Variants in SCTR observed in about 807,000 individuals in gnomAD.
The protein encoded by SCTR is secretin receptor.
A neutral mutation model predicts 60.8 loss-of-function variants in SCTR; 56 were observed. That is an observed-to-expected ratio of 0.92 (90% CI 0.74 to 1.15). The LOEUF (loss-of-function observed/expected upper bound fraction) is 1.15. SCTR is among the 50% of genes most tolerant of loss of function. SCTR has a pLI of 0.00. For missense variants in SCTR, 562 were observed against 550.4 expected, an observed-to-expected ratio of 1.02 and a Z score of -0.21; for synonymous variants, 202 against 217.0, an observed-to-expected ratio of 0.93 and a Z score of 0.61.
At chr2:119,521,544 G>A (rs996973147) in intron 1 of SCTR, among the ~76,000 whole-genome samples, 1 of 152,090 alleles carries the variant, frequency 6.6e-6, no homozygotes, top group Non-Finnish European at 1.5e-5. Context: ...CGCAGAGGGG[G>A]CTGTGATCAG....
chr2:119,493,105 C>T (rs1422810859), intron 2 of SCTR, among the ~76,000 whole-genome samples: 1 of 152,166 alleles, frequency 6.6e-6, no homozygotes, highest in Non-Finnish European at 1.5e-5. Flanking sequence ...AATCTGTGCA[C>T]CTTGGCCTCC....
intron 1 of SCTR, among the ~76,000 whole-genome samples, chr2:119,498,199 C>T (rs1678419446): frequency 1.3e-5 from 2 of 152,142 alleles, no homozygotes; most frequent in African/African-American, 4.8e-5. Flanking sequence ...TCAGAAGTTA[C>T]AGGAAGATGG....
At chr2:119,456,640 C>T (rs542717237) in intron 7 of SCTR, among the ~76,000 whole-genome samples, 10 of 152,236 alleles carry the variant, frequency 6.6e-5, no homozygotes, top group South Asian at 4.2e-4. Flanking sequence ...TAGAAAAAAA[C>T]ACTGGCAAGT....
intron 1 of SCTR, among the ~76,000 whole-genome samples, chr2:119,502,193 A>G (rs1678576526): frequency 6.6e-6 from 1 of 152,226 alleles, no homozygotes; most frequent in South Asian, 2.1e-4. Context: ...TTGAGGCTGC[A>G]GTGAACAGAG....
intron 2 of SCTR, among the ~76,000 whole-genome samples, chr2:119,490,044 C>T (rs1284492704): frequency 6.6e-6 from 1 of 152,208 alleles, no homozygotes; most frequent in Non-Finnish European, 1.5e-5. Context: ...AATTTGGCTG[C>T]ACCTCTGGCT....
At chr2:119,444,230 T>C (rs1038921721) in intron 11 of SCTR, among the ~76,000 whole-genome samples, 4 of 146,382 alleles carry the variant, frequency 2.7e-5, no homozygotes, top group Non-Finnish European at 6.0e-5. Context: ...TATACACATA[T>C]ACATATGAAT....
chr2:119,450,078 AAAATAAATAAAT>A (rs140544177), intron 9 of SCTR, among the ~76,000 whole-genome samples: 5 of 145,092 alleles, frequency 3.4e-5, no homozygotes, highest in African/African-American at 5.5e-5. Flanking sequence ...GAAAGAAAGA[AAAATAAATAAAT>A]AAATAAATAA....
At chr2:119,522,253 G>A (rs1490185341) in intron 1 of SCTR, among the ~76,000 whole-genome samples, 2 of 151,834 alleles carry the variant, frequency 1.3e-5, no homozygotes, top group Non-Finnish European at 2.9e-5. Context: ...CCAAGATCGC[G>A]CCACTGCGCT....
chr2:119,524,106 G>T, intron 1 of SCTR, 49 bp downstream of exon 1: 2 of 1,459,214 alleles, frequency 1.4e-6, no homozygotes, highest in Non-Finnish European at 1.9e-6. Context: ...GAAAGGGCGA[G>T]ACTGTCGCTC....
At position 119,448,731 on chromosome 2, in the gene SCTR, A is replaced by C. The variant is rs775943097; in HGVS notation, c.971T>G (p.Leu324Arg). Residue 324 changes from leucine to arginine, a missense_variant, in exon 10 of 13, where the codon CTT (leucine) becomes CGT (arginine). By Grantham distance (102) the Leu-to-Arg change is moderately radical. Coordinates refer to ENST00000019103, the MANE Select transcript of SCTR (RefSeq NM_002980.3). Reference sequence around the variant, plus strand: ...ATTTCCTCTTGTTTCTTGGGTTCTAAGTTTTCTCATCAGGATTCTTAGAAT... The same window carrying C: ...ATTTCCTCTTGTTTCTTGGGTTCTACGTTTTCTCATCAGGATTCTTAGAAT... ...INILRILMRK[L>R]RTQETRGNEV... 4 of 1,603,876 alleles carry C rather than the reference A, an allele frequency of 2.5e-6. No individual in the cohort carries two copies. In the East Asian group the frequency reaches 8.9e-5, roughly 36 times the overall value.
chr2:119,514,166 T>A (rs990324232), intron 1 of SCTR, among the ~76,000 whole-genome samples: 2 of 152,204 alleles, frequency 1.3e-5, no homozygotes, highest in Admixed American at 1.3e-4. Flanking sequence ...ATGGTAGACA[T>A]GTTTTGAGGT....
chr2:119,443,393 C>T (rs1221850013), intron 11 of SCTR, among the ~76,000 whole-genome samples: 2 of 152,134 alleles, frequency 1.3e-5, no homozygotes, highest in Non-Finnish European at 2.9e-5. Context: ...AGAAAAGAGA[C>T]GGAAGTAAAC....
intron 11 of SCTR, among the ~76,000 whole-genome samples, chr2:119,446,194 T>C (rs867336622): frequency 2.0e-5 from 3 of 152,188 alleles, no homozygotes; most frequent in Non-Finnish European, 4.4e-5. Flanking sequence ...AATCAAAGGA[T>C]TCCTGTTACA....
intron 4 of SCTR, among the ~76,000 whole-genome samples, chr2:119,466,679 A>T (rs1188735296): frequency 6.6e-6 from 1 of 152,096 alleles, no homozygotes; most frequent in Non-Finnish European, 1.5e-5. Flanking sequence ...CCAGCCTGGG[A>T]GGTCAAGGCT....
Position 119,465,902 on chromosome 2 carries a change from C to G in SCTR, c.406-16G>C, listed in dbSNP as rs115393881. 1.3e-6 allele frequency: 2 copies of G among 1,587,926 alleles called. No homozygotes were observed. The highest frequency in any genetic ancestry group is 2.7e-5 in the African/African-American group (2 of 74,362). On this transcript the variant is annotated splice_polypyrimidine_tract_variant and intron_variant, in intron 4 of 12. Coordinates refer to ENST00000019103, the MANE Select transcript of SCTR (RefSeq NM_002980.3). Reference sequence around the variant, plus strand: ...GGTAGGAGTGCTGCAGAGAGAGGCACGTGTCAGCCCCGCCGGCCCTCCTGG... The same window carrying G: ...GGTAGGAGTGCTGCAGAGAGAGGCAGGTGTCAGCCCCGCCGGCCCTCCTGG...
At chr2:119,458,278 C>T (rs1683453306) in intron 7 of SCTR, among the ~76,000 whole-genome samples, 1 of 147,866 alleles carries the variant, frequency 6.8e-6, no homozygotes. Flanking sequence ...TGCACTCCAG[C>T]CTGGGTGACA....
chr2:119,505,666 T>G (rs1573916785), intron 1 of SCTR, among the ~76,000 whole-genome samples: 2 of 129,070 alleles, frequency 1.5e-5, no homozygotes, highest in Admixed American at 9.3e-5. Context: ...TGAGAACACA[T>G]GGACACAGGA....
intron 1 of SCTR, among the ~76,000 whole-genome samples, chr2:119,499,670 A>G (rs1311335010): frequency 6.6e-6 from 1 of 152,132 alleles, no homozygotes. Context: ...TTAACAGCTG[A>G]AGAAAAATCA....
At chr2:119,507,897 T>C (rs2104933509) in intron 1 of SCTR, among the ~76,000 whole-genome samples, 2 of 152,212 alleles carry the variant, frequency 1.3e-5, no homozygotes, top group South Asian at 4.1e-4. Context: ...CAGGATGATC[T>C]TGATCTCTTG....
Sources: allele counts gnomAD v4.1 joint callset (sites outside exome capture counted in the v4.1 genomes callset), GRCh38; gene constraint gnomAD v4.1.1; transcripts MANE v1.5; gene names NCBI Gene and HGNC (gene_info 2026-07-23, HGNC 2026-07-21).